The following WIPF3 variants were observed in gnomAD, a reference collection of about 807,000 sequenced individuals.
The protein encoded by WIPF3 is WAS/WASL-interacting protein family member 3.
In WIPF3, 33 loss-of-function variants were observed where a neutral mutation model predicts 38.9. The observed-to-expected ratio is 0.85, with a 90% CI of 0.64 to 1.14. The LOEUF (loss-of-function observed/expected upper bound fraction) is 1.14, where lower values mean the gene tolerates loss of function less well. WIPF3 is among the 50% of genes most tolerant of loss of function. The pLI is 0.00. For missense variants in WIPF3, 711 were observed against 652.5 expected (o/e 1.09, Z -0.98); for synonymous variants, 324 against 269.3 (o/e 1.20, Z -1.99).
intron 8 of WIPF3, among the ~76,000 whole-genome samples, chr7:29,907,910 C>T (rs902833791): frequency 2.6e-5 from 4 of 151,946 alleles, no homozygotes; most frequent in Non-Finnish European, 5.9e-5. Flanking sequence ...AAACATTTCA[C>T]TACAAAAAAA....
intron 4 of WIPF3, among the ~76,000 whole-genome samples, chr7:29,882,686 C>A (rs1412527170): frequency 6.6e-6 from 1 of 152,130 alleles, no homozygotes; most frequent in Non-Finnish European, 1.5e-5. Context: ...ATCTCAGAAC[C>A]CCCAACAGAT....
chr7:29,848,433 A>T (rs974086984), intron 2 of WIPF3, among the ~76,000 whole-genome samples: 1 of 152,186 alleles, frequency 6.6e-6, no homozygotes, highest in African/African-American at 2.4e-5. Context: ...TTTAATCGTG[A>T]TACTCATGCA....
chr7:29,807,656 A>AG (rs1784304138), intron 1 of WIPF3, among the ~76,000 whole-genome samples: 1 of 152,244 alleles, frequency 6.6e-6, no homozygotes, highest in Non-Finnish European at 1.5e-5. Context: ...AAAGGCCAGG[A>AG]GAGCGGTTCC....
At position 29,878,881 on chromosome 7, in the gene WIPF3, T is replaced by C; in HGVS notation, c.224-128T>C. ...GAGGATGCTGAGTGAAAGGATGACATTGGAGGTGGGAGAATGGGAAGGCTG... is the reference window on the plus strand; with the variant it reads ...GAGGATGCTGAGTGAAAGGATGACACTGGAGGTGGGAGAATGGGAAGGCTG... On this transcript the variant is annotated intron_variant, in intron 3 of 8. Coordinates refer to ENST00000242140, the MANE Select transcript of WIPF3 (RefSeq NM_001080529.3). The surrounding 1 kb of genome is among the most constrained non-coding windows in gnomAD (Gnocchi z 4.0). 5.5e-6 allele frequency: 6 copies of C among 1,086,778 alleles called. No homozygotes were observed. Among genetic ancestry groups the C allele is most frequent in the Non-Finnish European group, 6.6e-6 (5 of 762,948 alleles). 67.3% of individuals were successfully genotyped at this position (1,086,778 alleles called of 1,614,324 possible).
chr7:29,888,151 G>C lies in WIPF3; in HGVS notation c.1183G>C (p.Ala395Pro), dbSNP rs1394050239. The stretch of plus-strand genomic sequence containing the variant: ...AGAGCTTTCAAGCAAGAGCCAGCAG[G>C]CCACAGCCTGGACCCCGACGCAGCA... ...TTELSSKSQQ[A>P]TAWTPTQQPG... is the part of the protein sequence containing the mutation. Residue 395 changes from alanine to proline, a missense_variant, in exon 6 of 9, where the codon GCC becomes CCC. By Grantham distance (27) the Ala-to-Pro change is conservative. Transcript: ENST00000242140. 1.2e-6 allele frequency: 2 copies of C among 1,613,584 alleles called. No individual in the cohort carries two copies. The highest frequency in any genetic ancestry group is 1.7e-6 in the Non-Finnish European group (2 of 1,179,802).
chr7:29,842,798 T>C (rs994602614), intron 2 of WIPF3, among the ~76,000 whole-genome samples: 1 of 152,228 alleles, frequency 6.6e-6, no homozygotes, highest in African/African-American at 2.4e-5. Context: ...GGAAGGGTGC[T>C]TAGTAGAATT....
chr7:29,841,694 C>G (rs1249805370), intron 2 of WIPF3, among the ~76,000 whole-genome samples: 1 of 152,138 alleles, frequency 6.6e-6, no homozygotes, highest in Non-Finnish European at 1.5e-5. Flanking sequence ...CACCTGTAAT[C>G]CCAGCTACTT....
At chr7:29,819,458 T>C (rs942797022) in intron 1 of WIPF3, among the ~76,000 whole-genome samples, 32 of 152,062 alleles carry the variant, frequency 2.1e-4, no homozygotes, top group Non-Finnish European at 2.9e-5. Context: ...TTGTTTTTTG[T>C]TTTTCAGAGA....
At chr7:29,904,632 C>A in intron 8 of WIPF3, 3 of 396,514 alleles carry the variant, frequency 7.6e-6, no homozygotes, top group Non-Finnish European at 1.4e-5. Context: ...ACAATCATGC[C>A]AATCACTTCC....
rs116378436 is a variant in WIPF3, at chr7:29,873,346, A to G, written c.91-2484A>G. ...TTATAATTCAGTGGGTTATCTTCTT[A>G]TACTAGAAGGAAAATTACAAAGCAC... On this transcript the variant is annotated intron_variant, in intron 2 of 8. Transcript: ENST00000242140. 5.9e-3 allele frequency among the ~76,000 whole-genome samples: 893 copies of G among 152,284 alleles called. 13 individuals carry two copies. The highest frequency in any genetic ancestry group is 0.021 in the African/African-American group (858 of 41,550).
At chr7:29,882,767 G>T (rs1304450455) in intron 4 of WIPF3, among the ~76,000 whole-genome samples, 2 of 152,170 alleles carry the variant, frequency 1.3e-5, no homozygotes, top group African/African-American at 4.8e-5. Flanking sequence ...GTGGGTGTGA[G>T]AAAACATCAT....
At chr7:29,837,186 T>G (rs1160884414) in intron 2 of WIPF3, among the ~76,000 whole-genome samples, 4 of 151,754 alleles carry the variant, frequency 2.6e-5, no homozygotes, top group Non-Finnish European at 5.9e-5. Flanking sequence ...AAACCCCGTC[T>G]CTACTAAAAA....
rs1465000927 is a variant in WIPF3, at chr7:29,884,414, C to G, written c.920C>G (p.Ser307Cys). The change falls in exon 5 of 9, where the codon TCT becomes TGT. Residue 307 changes from serine (S) to cysteine (C), a missense_variant. Physicochemically the swap from Ser to Cys is moderately radical, Grantham distance 112. Transcript: ENST00000242140. The stretch of plus-strand genomic sequence containing the variant: ...TATGCTTCTTGCTCCCCGAGGGCTT[C>G]TTTGCCCGCGCCCCCTTTGCCAGGA... ...PPYASCSPRA[S>C]LPAPPLPGVN... 8.2e-7 allele frequency: 1 copy of G among 1,213,738 alleles called. No individual in the cohort carries two copies. Among genetic ancestry groups the G allele is most frequent in the South Asian group, 1.3e-5 (1 of 74,210 alleles). The allele number at this position is 1,213,738 out of a possible 1,614,324, so 75.2% of individuals were successfully genotyped here. A position where few individuals can be genotyped will look rare whatever the true frequency, so the allele number is the denominator to read the frequency against.
intron 2 of WIPF3, among the ~76,000 whole-genome samples, chr7:29,855,650 C>T (rs953975562): frequency 5.9e-5 from 9 of 152,196 alleles, no homozygotes; most frequent in East Asian, 1.9e-4. Flanking sequence ...CTGGAGTGGA[C>T]GAGCAGACCC....
chr7:29,832,877 C>A (rs888798020), intron 1 of WIPF3, among the ~76,000 whole-genome samples: 2 of 152,142 alleles, frequency 1.3e-5, no homozygotes, highest in Non-Finnish European at 2.9e-5. Flanking sequence ...ATTTGTACAC[C>A]AATGTTCATA....
chr7:29,884,732 A>G, intron 5 of WIPF3, 139 bp downstream of exon 5: 2 of 1,280,588 alleles, frequency 1.6e-6, no homozygotes, highest in South Asian at 3.1e-5. Context: ...GCCCAAAATC[A>G]TGCTGCATGT....
At chr7:29,882,864 A>G (rs1000409246) in intron 4 of WIPF3, among the ~76,000 whole-genome samples, 1 of 152,228 alleles carries the variant, frequency 6.6e-6, no homozygotes, top group Non-Finnish European at 1.5e-5. Flanking sequence ...AGAGCACTAA[A>G]TCTGGAAGAA....
chr7:29,841,902 A>G (rs1784918779), intron 2 of WIPF3, among the ~76,000 whole-genome samples: 1 of 152,238 alleles, frequency 6.6e-6, no homozygotes. Context: ...TTTACTTATA[A>G]GATGTAACCT....
chr7:29,891,917 T>A (rs1043049529), intron 7 of WIPF3, among the ~76,000 whole-genome samples: 2 of 152,004 alleles, frequency 1.3e-5, no homozygotes, highest in Admixed American at 6.5e-5. Context: ...GGAGAGAGTG[T>A]GATTGTGCTG....
Sources: gnomAD v4.1 joint callset for allele counts (sites outside exome capture counted in the v4.1 genomes callset) on GRCh38, gnomAD v4.1.1 for gene constraint, Gnocchi (gnomAD v3.1) non-coding constraint, MANE v1.5 for transcripts, NCBI Gene and HGNC (gene_info 2026-07-23, HGNC 2026-07-21) for gene names.